TAFA2: variants seen among roughly 807,000 people sequenced by gnomAD.
TAFA2 encodes the protein chemokine-like protein TAFA-2.
A neutral mutation model predicts 18.8 loss-of-function variants in TAFA2; 7 were observed. That is an observed-to-expected ratio of 0.37 (90% confidence interval 0.21 to 0.70). TAFA2 has a LOEUF of 0.70. TAFA2 is among the 30% of genes least tolerant of loss of function. The pLI is 0.53. For synonymous variants in TAFA2, 60 were observed against 54.2 expected (o/e 1.11, Z -0.47); for missense variants, 122 against 158.1 (o/e 0.77, Z 1.23).
intron 2 of TAFA2, among the ~76,000 whole-genome samples, chr12:61,758,052 T>C (rs555289576): frequency 6.6e-6 from 1 of 152,144 alleles, no homozygotes; most frequent in South Asian, 2.1e-4. Context: ...GTATAAAGTG[T>C]TTAGGACACT....
rs76571759 is a variant in TAFA2, at chr12:61,832,440, G to A, written c.106+34880C>T. Among the ~76,000 whole-genome samples the A allele has an allele frequency of 5.7e-3, 867 of 152,126 alleles. 9 individuals are homozygous for A. Among genetic ancestry groups the A allele is most frequent in the African/African-American group, 0.02 (825 of 41,522 alleles). ...CAGACCAGGCACTAGACATGTGAACGACCTTCAGATGATTCCAGGCAGTCA... is the reference window on the plus strand; with the variant it reads ...CAGACCAGGCACTAGACATGTGAACAACCTTCAGATGATTCCAGGCAGTCA... On this transcript the variant is annotated intron_variant, in intron 2 of 4. Coordinates refer to ENST00000416284, the MANE Select transcript of TAFA2 (RefSeq NM_178539.5).
At chr12:61,894,841 C>T (rs919796686) in intron 1 of TAFA2, among the ~76,000 whole-genome samples, 4 of 152,144 alleles carry the variant, frequency 2.6e-5, no homozygotes, top group African/African-American at 9.7e-5. Flanking sequence ...CAAACTGATA[C>T]TGCTTTTAGA....
At chr12:62,104,750 A>G (rs1403652771) in intron 1 of TAFA2, 2 of 455,264 alleles carry the variant, frequency 4.4e-6, no homozygotes, top group South Asian at 3.1e-5. Context: ...TTACCTGGTA[A>G]TCGGGGTGAC....
chr12:62,121,888 A>T lies in TAFA2; in HGVS notation c.-2+69371T>A, dbSNP rs376160164. ...ACCATTGAATTCCCAGGTGAACATC[A>T]CTCTTCCTGAAATCAGTGTCACCTT... On this transcript the variant is annotated intron_variant, in intron 1 of 4. Coordinates refer to ENST00000416284, the MANE Select transcript of TAFA2 (RefSeq NM_178539.5). 1.4e-4 allele frequency among the ~76,000 whole-genome samples: 22 copies of T among 152,208 alleles called. No homozygotes were observed. In the East Asian group the frequency reaches 2.1e-3, roughly 15 times the overall value.
At chr12:61,847,142 C>G (rs1424914374) in intron 2 of TAFA2, among the ~76,000 whole-genome samples, 1 of 152,152 alleles carries the variant, frequency 6.6e-6, no homozygotes, top group Non-Finnish European at 1.5e-5. Context: ...CTTTTTTGTT[C>G]AACGTTAAGA....
At chr12:62,216,941 A>G (rs189432374) in intron 1 of TAFA2, among the ~76,000 whole-genome samples, 1 of 152,290 alleles carries the variant, frequency 6.6e-6, no homozygotes, top group Admixed American at 6.5e-5. Context: ...GCTAAACCCT[A>G]TAAGGGTTCA....
intron 1 of TAFA2, among the ~76,000 whole-genome samples, chr12:62,117,117 T>A (rs1004312703): frequency 7.2e-5 from 11 of 152,268 alleles, no homozygotes; most frequent in Admixed American, 1.3e-4. Flanking sequence ...AACTTTGAAA[T>A]TTCTGTTCTT....
At chr12:61,742,879 C>T (rs1868521132) in intron 4 of TAFA2, among the ~76,000 whole-genome samples, 2 of 152,012 alleles carry the variant, frequency 1.3e-5, no homozygotes, top group Non-Finnish European at 1.5e-5. Context: ...ACCATCACCT[C>T]CCTACCTTAC....
chr12:61,834,165 C>A (rs542298591), intron 2 of TAFA2, among the ~76,000 whole-genome samples: 1 of 152,178 alleles, frequency 6.6e-6, no homozygotes, highest in African/African-American at 2.4e-5. Context: ...TCCTCACAAG[C>A]ACCATAAATC....
chr12:61,715,387 C>T (rs1869605372), intron 4 of TAFA2, among the ~76,000 whole-genome samples: 3 of 151,766 alleles, frequency 2.0e-5, no homozygotes, highest in Admixed American at 1.3e-4. Flanking sequence ...CTCGTTCTGT[C>T]ACCCAGGCTG....
intron 1 of TAFA2, among the ~76,000 whole-genome samples, chr12:62,211,440 C>T (rs1055777880): frequency 2.0e-5 from 3 of 151,870 alleles, no homozygotes; most frequent in East Asian, 1.9e-4. Context: ...ATTAGCTGGG[C>T]GTGGTGGTGC....
chr12:62,229,907 A>G (rs2062804863), intron 1 of TAFA2, among the ~76,000 whole-genome samples: 1 of 151,934 alleles, frequency 6.6e-6, no homozygotes, highest in African/African-American at 2.4e-5. Context: ...TGATTTCATT[A>G]TTCATTACTG....
At chr12:62,038,552 TAC>T (rs1201596373) in intron 1 of TAFA2, among the ~76,000 whole-genome samples, 2 of 152,184 alleles carry the variant, frequency 1.3e-5, no homozygotes, top group African/African-American at 2.4e-5. Flanking sequence ...ATGCAAATTA[TAC>T]ACAGTTTTAC....
At chr12:62,218,552 G>C (rs955186805) in intron 1 of TAFA2, among the ~76,000 whole-genome samples, 1 of 152,136 alleles carries the variant, frequency 6.6e-6, no homozygotes, top group African/African-American at 2.4e-5. Flanking sequence ...TGCCTCCTGT[G>C]AAAATTCTGA....
chr12:62,014,703 C>G (rs1303823699), intron 1 of TAFA2, among the ~76,000 whole-genome samples: 1 of 152,128 alleles, frequency 6.6e-6, no homozygotes, highest in East Asian at 1.9e-4. Flanking sequence ...CATAGTTAAA[C>G]AGGCCATAAA....
intron 1 of TAFA2, among the ~76,000 whole-genome samples, chr12:62,185,842 A>C (rs1432208022): frequency 6.6e-6 from 1 of 152,218 alleles, no homozygotes; most frequent in African/African-American, 2.4e-5. Flanking sequence ...CTCAAAGAAT[A>C]TATTTTAATA....
At chr12:61,807,772 G>T (rs1221760021) in intron 2 of TAFA2, among the ~76,000 whole-genome samples, 1 of 151,468 alleles carries the variant, frequency 6.6e-6, no homozygotes, top group African/African-American at 2.5e-5. Context: ...GGAGCTTTAA[G>T]ATTTGACCGC....
chr12:62,202,906 C>G (rs890026327), intron 1 of TAFA2, among the ~76,000 whole-genome samples: 2 of 144,762 alleles, frequency 1.4e-5, no homozygotes, highest in Non-Finnish European at 1.5e-5. Context: ...CAGCTCACTG[C>G]AACCTCCACC....
rs377576531 is a variant in TAFA2 at position 62,042,497 on chromosome 12, A to G, written c.-2+148762T>C. 7.9e-5 allele frequency among the ~76,000 whole-genome samples: 12 copies of G among 151,568 alleles called. No individual in the cohort carries two copies. In the South Asian group the frequency reaches 1.5e-3, roughly 18 times the overall value. ...TCTCAAAAACTGAGACTTTGCCTTC[A>G]TCTGGCCAGTGTCCCTGCTGGAATA... On this transcript the variant is annotated intron_variant, in intron 1 of 4. Transcript: ENST00000416284.
Sources: gnomAD v4.1 joint callset for allele counts (sites outside exome capture counted in the v4.1 genomes callset) on GRCh38, gnomAD v4.1.1 for gene constraint, MANE v1.5 for transcripts, NCBI Gene and HGNC (gene_info 2026-07-23, HGNC 2026-07-21) for gene names.